NCAM2: variants seen among roughly 807,000 people sequenced by gnomAD.
The protein encoded by NCAM2 is neural cell adhesion molecule 2.
A neutral mutation model predicts 98.1 loss-of-function variants in NCAM2; 30 were observed. That is an observed-to-expected ratio of 0.31 (90% confidence interval 0.23 to 0.41). The LOEUF (loss-of-function observed/expected upper bound fraction) is 0.41, where lower values mean the gene tolerates loss of function less well. NCAM2 is among the 10% of genes least tolerant of loss of function. The pLI, the probability that NCAM2 is intolerant of heterozygous loss-of-function variation, is 1.00. For synonymous variants in NCAM2, 368 were observed against 342.4 expected (o/e 1.07, Z -0.83); for missense variants, 867 against 1,005.8 (o/e 0.86, Z 1.87).
In NCAM2 at chr21:21,091,915, A is replaced by G. The variant is rs1016518153; in HGVS notation, c.55+93297A>G. 3.3e-5 allele frequency among the ~76,000 whole-genome samples: 5 copies of G among 152,146 alleles called. No individual in the cohort carries two copies. The South Asian group carries it at 8.3e-4, about 25-fold the overall frequency. On this transcript the variant is annotated intron_variant, in intron 1 of 17. Transcript: ENST00000400546. ...GTTCACAGCGACATCTTGAAAGCTA[A>G]TATTCATTTTTGTACTCTACATTAA...
At chr21:21,171,711 A>G (rs1395450710) in intron 1 of NCAM2, among the ~76,000 whole-genome samples, 1 of 152,222 alleles carries the variant, frequency 6.6e-6, no homozygotes, top group Non-Finnish European at 1.5e-5. Flanking sequence ...CAAAACAATA[A>G]GGAATATTTT....
intron 1 of NCAM2, among the ~76,000 whole-genome samples, chr21:21,100,263 G>A (rs2066213293): frequency 6.6e-6 from 1 of 151,900 alleles, no homozygotes; most frequent in Non-Finnish European, 1.5e-5. Context: ...TATGCATGAG[G>A]TTAAAGAGAT....
At chr21:21,027,941 C>A (rs1350206927) in intron 1 of NCAM2, among the ~76,000 whole-genome samples, 1 of 151,704 alleles carries the variant, frequency 6.6e-6, no homozygotes, top group Non-Finnish European at 1.5e-5. Context: ...GCTGCAACCT[C>A]CGCCTCCTGG....
chr21:21,001,145 G>T (rs1367907026), intron 1 of NCAM2, among the ~76,000 whole-genome samples: 4 of 152,164 alleles, frequency 2.6e-5, no homozygotes, highest in African/African-American at 9.7e-5. Flanking sequence ...GAGTCAAAAC[G>T]TTTTGAACTG....
intron 1 of NCAM2, among the ~76,000 whole-genome samples, chr21:21,142,061 A>G (rs1016624220): frequency 1.3e-5 from 2 of 152,202 alleles, no homozygotes; most frequent in African/African-American, 4.8e-5. Context: ...ATAATCGGTC[A>G]TGTTACATCT....
At chr21:21,356,623 TAAC>T in intron 8 of NCAM2, among the ~76,000 whole-genome samples, 1 of 152,236 alleles carries the variant, frequency 6.6e-6, no homozygotes, top group African/African-American at 2.4e-5. Context: ...CCAATTCACT[TAAC>T]AACTATCAAT....
chr21:21,267,675 A>G (rs994372754), intron 1 of NCAM2, among the ~76,000 whole-genome samples: 10 of 152,170 alleles, frequency 6.6e-5, no homozygotes, highest in Non-Finnish European at 1.5e-4. Flanking sequence ...CAAAAATTAC[A>G]TACATTTGTC....
chr21:21,316,938 A>C (rs2147756506), intron 5 of NCAM2, among the ~76,000 whole-genome samples: 1 of 152,298 alleles, frequency 6.6e-6, no homozygotes, highest in East Asian at 1.9e-4. Flanking sequence ...CAAATTCAAA[A>C]ATTTACACAT....
intron 1 of NCAM2, among the ~76,000 whole-genome samples, chr21:21,044,127 T>C (rs1159389109): frequency 6.6e-6 from 1 of 152,136 alleles, no homozygotes; most frequent in Non-Finnish European, 1.5e-5. Context: ...CCTACCAAAA[T>C]ATGAATTTCA....
chr21:21,481,252 G>C lies in NCAM2; in HGVS notation c.2077+3781G>C, dbSNP rs575365291. On this transcript the variant is annotated intron_variant, in intron 15 of 17. Coordinates refer to ENST00000400546, the MANE Select transcript of NCAM2 (RefSeq NM_004540.5). The stretch of plus-strand genomic sequence containing the variant: ...AAGAAGTTAAGAACTGAGTTCCAAG[G>C]AACTATCATATTATACTAGAAGAAG... Among the ~76,000 whole-genome samples, 51 of 151,412 alleles carry C rather than the reference G, an allele frequency of 3.4e-4. 4 individuals are homozygous for C. The South Asian group carries it at 1.0e-2, about 30-fold the overall frequency.
intron 1 of NCAM2, among the ~76,000 whole-genome samples, chr21:21,145,447 T>G (rs1198040930): frequency 6.6e-6 from 1 of 152,178 alleles, no homozygotes; most frequent in Admixed American, 6.5e-5. Flanking sequence ...ATAACAATCT[T>G]CATAAAAATT....
At chr21:21,232,060 A>G (rs895240099) in intron 1 of NCAM2, among the ~76,000 whole-genome samples, 1 of 151,418 alleles carries the variant, frequency 6.6e-6, no homozygotes, top group African/African-American at 2.4e-5. Context: ...ACTCTTAAAG[A>G]TAATTTTAAA....
At chr21:21,211,482 C>T (rs994742310) in intron 1 of NCAM2, among the ~76,000 whole-genome samples, 5 of 152,220 alleles carry the variant, frequency 3.3e-5, no homozygotes, top group Middle Eastern at 6.8e-3. Flanking sequence ...TACCATAAAC[C>T]GCAGTTGCAC....
intron 12 of NCAM2, among the ~76,000 whole-genome samples, chr21:21,436,259 G>T (rs1175796190): frequency 6.6e-6 from 1 of 152,156 alleles, no homozygotes; most frequent in Non-Finnish European, 1.5e-5. Flanking sequence ...TGATTTCAAT[G>T]AGTCACTATG....
At chr21:21,003,990 T>A (rs2146108984) in intron 1 of NCAM2, among the ~76,000 whole-genome samples, 1 of 152,272 alleles carries the variant, frequency 6.6e-6, no homozygotes, top group South Asian at 2.1e-4. Flanking sequence ...ATCCTTTCTA[T>A]GGACCAACAT....
At chr21:21,037,578 A>G (rs6518044) in intron 1 of NCAM2, among the ~76,000 whole-genome samples, 144,858 of 152,230 alleles carry the variant, frequency 0.95, 69,341 homozygotes, top group East Asian at 1. Flanking sequence ...TGTAGGCTCT[A>G]TGTTAGTATG....
At chr21:21,516,617 G>T (rs941682059) in intron 16 of NCAM2, among the ~76,000 whole-genome samples, 2 of 150,592 alleles carry the variant, frequency 1.3e-5, no homozygotes, top group Admixed American at 1.3e-4. Flanking sequence ...CTCTTTTTTC[G>T]AATCTGGCTC....
chr21:21,169,378 G>A (rs1364533182), intron 1 of NCAM2, among the ~76,000 whole-genome samples: 1 of 152,104 alleles, frequency 6.6e-6, no homozygotes, highest in Non-Finnish European at 1.5e-5. Context: ...ATGACCTTGT[G>A]CATCATAATG....
intron 9 of NCAM2, among the ~76,000 whole-genome samples, chr21:21,394,624 G>A (rs1467470319): frequency 2.6e-5 from 4 of 151,342 alleles, no homozygotes. Flanking sequence ...GAGTAGCTGG[G>A]ACTACAGGTG....
Sources: gnomAD v4.1 joint callset for allele counts (sites outside exome capture counted in the v4.1 genomes callset) on GRCh38, gnomAD v4.1.1 for gene constraint, MANE v1.5 for transcripts, NCBI Gene and HGNC (gene_info 2026-07-23, HGNC 2026-07-21) for gene names.